TTC28: variants seen among roughly 807,000 people sequenced by gnomAD.
TTC28 encodes tetratricopeptide repeat protein 28.
TTC28 carries 61 observed loss-of-function variants against 198.0 expected under a neutral mutation model. The ratio of observed to expected loss-of-function variants is 0.31; its 90% CI spans 0.25 to 0.38. The LOEUF is 0.38. Among genes scored for constraint, TTC28 ranks in the 10% least tolerant of loss-of-function variants. The probability of loss-of-function intolerance (pLI) is 1.00; values close to 1 mark genes in which losing one functional copy is unlikely to be tolerated. For missense variants in TTC28, 2,678 were observed against 3,164.0 expected (o/e 0.85, Z 3.69); for synonymous variants, 1,171 against 1,297.8 (o/e 0.90, Z 2.10).
At chr22:28,636,931 C>T (rs1310317596) in intron 1 of TTC28, among the ~76,000 whole-genome samples, 1 of 150,844 alleles carries the variant, frequency 6.6e-6, no homozygotes, top group African/African-American at 2.4e-5. Context: ...TCCAAAAAAT[C>T]ATTGCCAAGA....
At chr22:28,434,871 G>A (rs79261394) in intron 2 of TTC28, among the ~76,000 whole-genome samples, 2,954 of 152,178 alleles carry the variant, frequency 0.019, 28 homozygotes, top group Non-Finnish European at 0.026. Flanking sequence ...CAGCTGCTCC[G>A]TAACTCGGGC....
At chr22:28,671,390 CT>C (rs2051880001) in intron 1 of TTC28, among the ~76,000 whole-genome samples, 1 of 151,994 alleles carries the variant, frequency 6.6e-6, no homozygotes, top group African/African-American at 2.4e-5. Context: ...AATCCCAGCA[CT>C]TTGGGAGACC....
chr22:28,642,746 AG>A (rs1216909693), intron 1 of TTC28, among the ~76,000 whole-genome samples: 5 of 152,208 alleles, frequency 3.3e-5, no homozygotes, highest in African/African-American at 1.2e-4. Flanking sequence ...ACAAAGTAAA[AG>A]GTCAGAGAGG....
chr22:28,249,130 T>A (rs1930333585), intron 5 of TTC28, among the ~76,000 whole-genome samples: 3 of 152,100 alleles, frequency 2.0e-5, no homozygotes, highest in Non-Finnish European at 4.4e-5. Context: ...GGAGACAGAA[T>A]AACCCAGAGG....
intron 5 of TTC28, among the ~76,000 whole-genome samples, chr22:28,257,395 T>C (rs979199101): frequency 6.6e-6 from 1 of 152,124 alleles, no homozygotes; most frequent in African/African-American, 2.4e-5. Context: ...AAACATGGCA[T>C]ATATACACAA....
In TTC28 at chr22:28,130,497, C is replaced by T. The variant is rs543435866; in HGVS notation, c.1442-22094G>A. Among the ~76,000 whole-genome samples the T allele has an allele frequency of 4.6e-5, 7 of 152,146 alleles. No homozygotes were observed. The South Asian group carries it at 1.5e-3, about 32-fold the overall frequency. On this transcript the variant is annotated intron_variant, in intron 6 of 22. Transcript: ENST00000397906. ...ATTATTAGCATAATCCTGTGAGTAC[C>T]CTATCAGAATGATAGTGACATTTTG...
chr22:28,314,882 G>GA (rs750755689), intron 2 of TTC28, among the ~76,000 whole-genome samples: 11 of 151,822 alleles, frequency 7.2e-5, no homozygotes, highest in Non-Finnish European at 1.0e-4. Context: ...CTAAAAAAAA[G>GA]AAAAAAAATT....
At chr22:28,030,774 C>A (rs1282784882) in intron 12 of TTC28, among the ~76,000 whole-genome samples, 1 of 152,264 alleles carries the variant, frequency 6.6e-6, no homozygotes, top group Non-Finnish European at 1.5e-5. Flanking sequence ...CCTCCCTGCA[C>A]AAGCTGCAGT....
intron 1 of TTC28, among the ~76,000 whole-genome samples, chr22:28,641,268 G>A (rs896361115): frequency 5.9e-5 from 9 of 151,646 alleles, no homozygotes; most frequent in Middle Eastern, 3.2e-3. Flanking sequence ...AAGTTGCAGT[G>A]AGCCGAGATC....
chr22:28,311,634 A>T (rs894197711), intron 2 of TTC28, among the ~76,000 whole-genome samples: 11 of 152,196 alleles, frequency 7.2e-5, no homozygotes, highest in African/African-American at 2.7e-4. Flanking sequence ...CATCACCACA[A>T]GCATTTATGC....
At chr22:28,543,790 A>G (rs530971797) in intron 2 of TTC28, among the ~76,000 whole-genome samples, 1 of 152,250 alleles carries the variant, frequency 6.6e-6, no homozygotes, top group Non-Finnish European at 1.5e-5. Context: ...AGACAAAGAC[A>G]TAAGAAAACT....
At chr22:28,454,435 T>C (rs1381607897) in intron 2 of TTC28, among the ~76,000 whole-genome samples, 4 of 152,340 alleles carry the variant, frequency 2.6e-5, no homozygotes, top group Non-Finnish European at 4.4e-5. Flanking sequence ...TTTATTCACT[T>C]GTCAAGGGAT....
intron 2 of TTC28, among the ~76,000 whole-genome samples, chr22:28,552,392 T>A (rs1356602293): frequency 1.3e-5 from 2 of 151,894 alleles, no homozygotes; most frequent in East Asian, 3.9e-4. Context: ...CCAAAATTCA[T>A]ATGGAACCAA....
intron 5 of TTC28, among the ~76,000 whole-genome samples, chr22:28,266,951 CA>C (rs11323737): frequency 0.061 from 9,340 of 152,194 alleles, 517 homozygotes; most frequent in East Asian, 0.24. Flanking sequence ...GTTATATGCA[CA>C]AAAACCACTG....
At chr22:28,500,649 A>G (rs1274504935) in intron 2 of TTC28, among the ~76,000 whole-genome samples, 1 of 152,178 alleles carries the variant, frequency 6.6e-6, no homozygotes, top group East Asian at 1.9e-4. Context: ...TAATTACATT[A>G]AAGACTACGA....
At chr22:28,418,970 GC>G (rs2047206949) in intron 2 of TTC28, among the ~76,000 whole-genome samples, 1 of 152,132 alleles carries the variant, frequency 6.6e-6, no homozygotes, top group South Asian at 2.1e-4. Context: ...AGAATCTGGA[GC>G]CCTACTCAAG....
intron 6 of TTC28, among the ~76,000 whole-genome samples, chr22:28,159,586 G>GA (rs1319056508): frequency 1.3e-5 from 2 of 151,332 alleles, no homozygotes; most frequent in Non-Finnish European, 2.9e-5. Context: ...TGGAACCCAG[G>GA]AGGCAGAGGT....
intron 1 of TTC28, among the ~76,000 whole-genome samples, chr22:28,630,567 C>T (rs764938619): frequency 6.6e-6 from 1 of 152,194 alleles, no homozygotes; most frequent in Non-Finnish European, 1.5e-5. Context: ...CTTTCCACTT[C>T]AGCCTCCCAA....
At chr22:28,147,762 T>C (rs545395147) in intron 6 of TTC28, among the ~76,000 whole-genome samples, 2 of 152,352 alleles carry the variant, frequency 1.3e-5, no homozygotes, top group South Asian at 2.1e-4. Flanking sequence ...AGTATAGTGT[T>C]CACATACTGG....
Sources: gnomAD v4.1 joint callset for allele counts (sites outside exome capture counted in the v4.1 genomes callset) on GRCh38, gnomAD v4.1.1 for gene constraint, MANE v1.5 for transcripts, NCBI Gene and HGNC (gene_info 2026-07-23, HGNC 2026-07-21) for gene names.